Variants in SKAP1 observed in about 807,000 individuals in gnomAD.
SKAP1 encodes the protein src kinase associated phosphoprotein 1, also known as src kinase-associated phosphoprotein 1.
SKAP1 carries 44 observed loss-of-function variants against 58.5 expected under a neutral mutation model. The ratio of observed to expected loss-of-function variants is 0.75; its 90% CI spans 0.59 to 0.97. The LOEUF is 0.97. SKAP1 is among the 50% of genes least tolerant of loss of function. The pLI is 0.00. For missense variants in SKAP1, 390 were observed against 435.2 expected (o/e 0.90, Z 0.92); for synonymous variants, 127 against 149.7 (o/e 0.85, Z 1.11).
At chr17:48,292,094 C>A (rs7218563) in intron 4 of SKAP1, among the ~76,000 whole-genome samples, 1 of 142,936 alleles carries the variant, frequency 7.0e-6, no homozygotes, top group Non-Finnish European at 1.5e-5. Context: ...TCACATAAAT[C>A]ACAAATACAC....
chr17:48,200,309 T>C (rs1183458371), intron 4 of SKAP1, among the ~76,000 whole-genome samples: 1 of 151,638 alleles, frequency 6.6e-6, no homozygotes, highest in Non-Finnish European at 1.5e-5. Context: ...AAAAAAAGAA[T>C]TAAATTGAGG....
chr17:48,348,452 C>CT, intron 3 of SKAP1, among the ~76,000 whole-genome samples: 1 of 148,554 alleles, frequency 6.7e-6, no homozygotes. Context: ...TTTTAGTGAA[C>CT]TTTTTATTTT....
intron 4 of SKAP1, among the ~76,000 whole-genome samples, chr17:48,341,776 C>T (rs1567875180): frequency 6.6e-6 from 1 of 152,178 alleles, no homozygotes; most frequent in Non-Finnish European, 1.5e-5. Context: ...TAACCTTCAA[C>T]ATCCTGATGC....
chr17:48,370,082 C>A (rs1251939137), intron 2 of SKAP1, among the ~76,000 whole-genome samples: 1 of 152,072 alleles, frequency 6.6e-6, no homozygotes, highest in Non-Finnish European at 1.5e-5. Flanking sequence ...TTTCATACTG[C>A]AAACACACAG....
intron 4 of SKAP1, among the ~76,000 whole-genome samples, chr17:48,260,459 C>T (rs2065472274): frequency 1.3e-5 from 2 of 152,138 alleles, no homozygotes; most frequent in South Asian, 2.1e-4. Flanking sequence ...AATAAAACCA[C>T]CTGAATTGTC....
chr17:48,288,262 T>G (rs908055301), intron 4 of SKAP1, among the ~76,000 whole-genome samples: 27 of 152,246 alleles, frequency 1.8e-4, no homozygotes, highest in Non-Finnish European at 3.8e-4. Context: ...TAATTTCCCC[T>G]TATTTTTAAA....
intron 7 of SKAP1, among the ~76,000 whole-genome samples, chr17:48,183,672 T>C (rs1040629032): frequency 5.9e-5 from 9 of 152,134 alleles, no homozygotes; most frequent in Non-Finnish European, 1.0e-4. Context: ...TATCAGAATG[T>C]AATAATAAAA....
intron 2 of SKAP1, among the ~76,000 whole-genome samples, chr17:48,371,956 A>T (rs2067093206): frequency 6.6e-6 from 1 of 152,216 alleles, no homozygotes; most frequent in South Asian, 2.1e-4. Context: ...AGATATACAC[A>T]TATACATATG....
the SKAP1 span, among the ~76,000 whole-genome samples, chr17:48,437,313 C>G: frequency 1.9e-3 from 296 of 152,330 alleles, 2 homozygotes; most frequent in African/African-American, 6.9e-3. Context: ...TGCCACCTAC[C>G]TGTTCTAAGA....
chr17:48,384,911 T>C (rs1396333418), intron 2 of SKAP1, among the ~76,000 whole-genome samples: 1 of 152,042 alleles, frequency 6.6e-6, no homozygotes, highest in Non-Finnish European at 1.5e-5. Context: ...GCTATGGACA[T>C]GCATGTAACT....
chr17:48,200,887 G>A (rs565229064), intron 4 of SKAP1, among the ~76,000 whole-genome samples: 158 of 152,248 alleles, frequency 1.0e-3, no homozygotes, highest in Non-Finnish European at 2.1e-3. Context: ...ATCCCCAGGG[G>A]CCTCGTACAC....
At chr17:48,341,714 G>A (rs1246296173) in intron 4 of SKAP1, among the ~76,000 whole-genome samples, 1 of 152,036 alleles carries the variant, frequency 6.6e-6, no homozygotes, top group Non-Finnish European at 1.5e-5. Flanking sequence ...ATAGTTACAG[G>A]TCTTTCCTTT....
intron 4 of SKAP1, among the ~76,000 whole-genome samples, chr17:48,246,628 A>G (rs772050597): frequency 1.3e-5 from 2 of 152,214 alleles, no homozygotes; most frequent in African/African-American, 2.4e-5. Flanking sequence ...GCATGCAGAG[A>G]TTAAGTGATC....
chr17:48,425,544 TG>T (rs2067846551), intron 1 of SKAP1, among the ~76,000 whole-genome samples: 2 of 152,232 alleles, frequency 1.3e-5, no homozygotes, highest in African/African-American at 2.4e-5. Context: ...AGAATTCAAC[TG>T]AGCAGTAGCC....
intron 4 of SKAP1, among the ~76,000 whole-genome samples, chr17:48,216,862 T>G (rs1253907230): frequency 2.0e-5 from 3 of 152,198 alleles, no homozygotes; most frequent in Non-Finnish European, 4.4e-5. Flanking sequence ...TGTTCTTTCA[T>G]GGACAGATTG....
chr17:48,157,676 G>GC (rs1371132857), intron 11 of SKAP1, among the ~76,000 whole-genome samples: 1 of 149,078 alleles, frequency 6.7e-6, no homozygotes, highest in South Asian at 2.1e-4. Flanking sequence ...CTACAGGCAT[G>GC]CACCAGCATG....
At chr17:48,314,243 C>T (rs944850062) in intron 4 of SKAP1, among the ~76,000 whole-genome samples, 4 of 152,250 alleles carry the variant, frequency 2.6e-5, no homozygotes, top group Middle Eastern at 3.4e-3. Flanking sequence ...AAATGACAGT[C>T]GATTTTCCTT....
rs1443676896 is a variant in SKAP1, at chr17:48,249,849, A to G, written c.281-60349T>C. Among the ~76,000 whole-genome samples the G allele has an allele frequency of 5.9e-5, 9 of 152,176 alleles. No individual in the cohort carries two copies. The East Asian group carries it at 1.8e-3, about 30-fold the overall frequency. ...TCTGGGAGGGCACAGAGGCCTTATA[A>G]GTGAGTGAGAAAGATGTAGACCTAA... is the stretch of plus-strand genomic sequence containing the variant. On this transcript the variant is annotated intron_variant, in intron 4 of 12. Transcript: ENST00000336915.
At chr17:48,143,873 C>T (rs2063797105) in intron 11 of SKAP1, among the ~76,000 whole-genome samples, 1 of 152,202 alleles carries the variant, frequency 6.6e-6, no homozygotes, top group African/African-American at 2.4e-5. Flanking sequence ...TGTAGCACCC[C>T]TCTTTAGTCG....
Sources: allele counts gnomAD v4.1 joint callset (sites outside exome capture counted in the v4.1 genomes callset), GRCh38; gene constraint gnomAD v4.1.1; transcripts MANE v1.5; gene names NCBI Gene and HGNC (gene_info 2026-07-23, HGNC 2026-07-21).